ZNF267: variants seen among roughly 807,000 people sequenced by gnomAD.
ZNF267 encodes zinc finger (C2H2).
In ZNF267, 61 loss-of-function variants were observed where a neutral mutation model predicts 71.6. That is an observed-to-expected ratio of 0.85 (90% confidence interval 0.69 to 1.05). ZNF267 has a LOEUF of 1.05. Ranked by LOEUF, ZNF267 falls within the 50% of genes least tolerant of loss-of-function variation. The pLI is 0.00. For missense variants in ZNF267, 852 were observed against 870.0 expected (o/e 0.98, Z 0.26); for synonymous variants, 288 against 293.2 (o/e 0.98, Z 0.18).
At chr16:31,875,201 A>G in intron 1 of ZNF267, 2 of 1,289,162 alleles carry the variant, frequency 1.6e-6, no homozygotes, top group Admixed American at 2.3e-5. Context: ...CCTGAATTTC[A>G]GAACTGTCTG....
intron 3 of ZNF267, among the ~76,000 whole-genome samples, chr16:31,885,874 TA>T (rs1276942657): frequency 1.3e-5 from 2 of 152,218 alleles, no homozygotes; most frequent in African/African-American, 4.8e-5. Flanking sequence ...ATGAGAAATT[TA>T]AACTCTATAG....
intron 3 of ZNF267, among the ~76,000 whole-genome samples, chr16:31,892,391 T>TG (rs201700809): frequency 0.016 from 2,483 of 152,198 alleles, 63 homozygotes; most frequent in African/African-American, 0.057. Flanking sequence ...AAGATTTGGG[T>TG]GGGGACACAG....
chr16:31,891,452 T>C (rs1396409198), intron 3 of ZNF267, among the ~76,000 whole-genome samples: 4 of 152,192 alleles, frequency 2.6e-5, no homozygotes, highest in Admixed American at 1.3e-4. Context: ...TTTTTGTGTG[T>C]TTTTCATTAG....
chr16:31,887,768 C>CT (rs549273007), intron 3 of ZNF267, among the ~76,000 whole-genome samples: 52 of 152,134 alleles, frequency 3.4e-4, no homozygotes, highest in African/African-American at 1.2e-3. Flanking sequence ...GTACCATACT[C>CT]TTGATTAGTA....
At chr16:31,882,386 G>A (rs2083896637) in intron 1 of ZNF267, among the ~76,000 whole-genome samples, 1 of 152,188 alleles carries the variant, frequency 6.6e-6, no homozygotes, top group Non-Finnish European at 1.5e-5. Flanking sequence ...AGAGTATTGG[G>A]CGTAAGGGAC....
At chr16:31,883,888 A>G (rs559050654) in intron 1 of ZNF267, among the ~76,000 whole-genome samples, 8 of 152,314 alleles carry the variant, frequency 5.3e-5, no homozygotes, top group African/African-American at 1.9e-4. Flanking sequence ...ACATGCAGAT[A>G]CTCAGCCAGC....
intron 3 of ZNF267, among the ~76,000 whole-genome samples, chr16:31,907,365 A>G (rs948863433): frequency 6.6e-6 from 1 of 151,560 alleles, no homozygotes; most frequent in African/African-American, 2.4e-5. Context: ...TTTTTCCTTC[A>G]TTTTTTAATC....
rs759591154 is a variant in ZNF267 at position 31,916,147 on chromosome 16, A to T, written c.1898A>T (p.Lys633Ile). Reference sequence around the variant, plus strand: ...ATTCATACTGGCCAGAGACCCTACAAATGTGAAGAATGTGGCAAAGCCTTC... The same window carrying T: ...ATTCATACTGGCCAGAGACCCTACATATGTGAAGAATGTGGCAAAGCCTTC... ...RRIHTGQRPY[K>I]CEECGKAFNY... Residue 633 changes from lysine to isoleucine, a missense_variant, in exon 4 of 4, where the codon AAA (lysine) becomes ATA (isoleucine). Lys to Ile is a moderately radical substitution (Grantham distance 102). Transcript: ENST00000300870. 58 of 1,613,968 alleles carry T rather than the reference A, an allele frequency of 3.6e-5. No homozygotes were observed. Among genetic ancestry groups the T allele is most frequent in the Non-Finnish European group, 4.6e-5 (54 of 1,180,012 alleles).
At position 31,915,097 on chromosome 16, in the gene ZNF267, T is replaced by C; in HGVS notation, c.848T>C (p.Ile283Thr). The change falls in exon 4 of 4, where the codon ATT becomes ACT. Residue 283 changes from isoleucine (I) to threonine (T), a missense_variant. Coordinates refer to ENST00000300870, the MANE Select transcript of ZNF267 (RefSeq NM_003414.6). ...VEVCTQSLKH[I>T]QHQTIHIREN... The stretch of plus-strand genomic sequence containing the variant: ...GTTTGTACCCAGTCATTAAAACATA[T>C]TCAACATCAGACCATCCATATCAGA... The C allele has an allele frequency of 1.2e-6, 2 of 1,613,640 alleles. No homozygotes were observed. The highest frequency in any genetic ancestry group is 1.7e-6 in the Non-Finnish European group (2 of 1,179,834).
intron 3 of ZNF267, among the ~76,000 whole-genome samples, chr16:31,890,478 T>A: frequency 6.6e-6 from 1 of 152,246 alleles, no homozygotes; most frequent in Non-Finnish European, 1.5e-5. Flanking sequence ...TCTTTAAGTT[T>A]ATGTTTGTCC....
intron 1 of ZNF267, among the ~76,000 whole-genome samples, chr16:31,881,410 T>G (rs1396203537): frequency 2.0e-5 from 3 of 152,174 alleles, no homozygotes; most frequent in African/African-American, 7.2e-5. Flanking sequence ...ATCAGATTTC[T>G]GGGTGGCCGC....
In ZNF267 at chr16:31,873,972, G is replaced by A. The variant is rs1323945573; in HGVS notation, c.3+3G>A. 9.3e-6 allele frequency: 15 copies of A among 1,613,274 alleles called. 1 individual carries two copies. The South Asian group carries it at 1.4e-4, about 15-fold the overall frequency. Reference sequence around the variant, plus strand: ...GGCATCCCGGAAGCTGGGAAATGGTGAGTGTGCGGGGTCGGGGGTCCCCAG... The same window carrying A: ...GGCATCCCGGAAGCTGGGAAATGGTAAGTGTGCGGGGTCGGGGGTCCCCAG... On this transcript the variant is annotated splice_donor_region_variant and intron_variant, in intron 1 of 3. Transcript: ENST00000300870.
intron 3 of ZNF267, among the ~76,000 whole-genome samples, chr16:31,892,034 C>T (rs1370742262): frequency 6.6e-6 from 1 of 152,068 alleles, no homozygotes; most frequent in Non-Finnish European, 1.5e-5. Flanking sequence ...CAACAAAATC[C>T]AGGCTGAGGT....
chr16:31,876,344 A>G (rs2083852274), intron 1 of ZNF267, among the ~76,000 whole-genome samples: 1 of 151,650 alleles, frequency 6.6e-6, no homozygotes, highest in Non-Finnish European at 1.5e-5. Flanking sequence ...TTCCAAGTAG[A>G]TGGGACTTAC....
chr16:31,900,160 TAAAA>T (rs879312814), intron 3 of ZNF267, among the ~76,000 whole-genome samples: 4 of 148,048 alleles, frequency 2.7e-5, no homozygotes, highest in African/African-American at 4.9e-5. Flanking sequence ...TCAGGTAAAT[TAAAA>T]AAAAAAGAGA....
At chr16:31,875,930 TCAG>T (rs2083849363) in intron 1 of ZNF267, among the ~76,000 whole-genome samples, 1 of 152,248 alleles carries the variant, frequency 6.6e-6, no homozygotes, top group South Asian at 2.1e-4. Context: ...ATCTTTTTTT[TCAG>T]CAGAATGAGT....
At chr16:31,880,259 C>G (rs2083880342) in intron 1 of ZNF267, among the ~76,000 whole-genome samples, 1 of 152,154 alleles carries the variant, frequency 6.6e-6, no homozygotes, top group Non-Finnish European at 1.5e-5. Flanking sequence ...TGAGCTACAG[C>G]AGTTCTGTGA....
At chr16:31,882,088 C>G (rs1048093535) in intron 1 of ZNF267, among the ~76,000 whole-genome samples, 1 of 152,162 alleles carries the variant, frequency 6.6e-6, no homozygotes, top group Non-Finnish European at 1.5e-5. Flanking sequence ...TTATCTAAAT[C>G]CTGCTGGGAA....
chr16:31,894,634 C>T (rs2083984165), intron 3 of ZNF267: 1 of 485,338 alleles, frequency 2.1e-6, no homozygotes, highest in Non-Finnish European at 4.1e-6. Context: ...TTCAGCTTCG[C>T]TGGACATGCC....
Sources: allele counts gnomAD v4.1 joint callset (sites outside exome capture counted in the v4.1 genomes callset), GRCh38; gene constraint gnomAD v4.1.1; transcripts MANE v1.5; gene names NCBI Gene and HGNC (gene_info 2026-07-23, HGNC 2026-07-21).